The following HEATR4 variants were observed in gnomAD, a reference collection of about 807,000 sequenced individuals.
HEATR4 encodes HEAT repeat containing 4.
Under a neutral mutation model 108.8 loss-of-function variants are expected in HEATR4, and 95 were observed. The ratio of observed to expected loss-of-function variants is 0.87; its 90% CI spans 0.74 to 1.04. The LOEUF (loss-of-function observed/expected upper bound fraction) is 1.04. Among genes scored for constraint, HEATR4 ranks in the 50% least tolerant of loss-of-function variants. HEATR4 has a pLI of 0.00. For missense variants in HEATR4, 1,152 were observed against 1,253.8 expected (o/e 0.92, Z 1.23); for synonymous variants, 443 against 459.4 (o/e 0.96, Z 0.46).
intron 1 of HEATR4, among the ~76,000 whole-genome samples, chr14:73,551,216 A>G (rs1234107821): frequency 8.9e-6 from 1 of 112,752 alleles, no homozygotes; most frequent in African/African-American, 2.9e-5. Flanking sequence ...AATCCCCTTT[A>G]CCCCAACTAG....
At chr14:73,491,657 C>G in intron 17 of HEATR4, 2 of 1,549,790 alleles carry the variant, frequency 1.3e-6, no homozygotes, top group Middle Eastern at 1.8e-4. Flanking sequence ...CGCGCCCATG[C>G]CGCCAGATCA....
Position 73,492,952 on chromosome 14 carries a change from T to C in HEATR4, c.2844+114A>G. The C allele has an allele frequency of 6.2e-7, 1 of 1,611,256 alleles. No homozygotes were observed. Among genetic ancestry groups the C allele is most frequent in the Non-Finnish European group, 8.5e-7 (1 of 1,178,574 alleles). On this transcript the variant is annotated intron_variant, in intron 17 of 17. Transcript: ENST00000553558. The surrounding 1 kb of genome is among the most constrained non-coding windows in gnomAD (Gnocchi z 4.9). ...CTCTAGCCCTAAATTAGTTTCTTGTTGATTGCTGGAAACAAGGCAGTAGTG... is the reference window on the plus strand; with the variant it reads ...CTCTAGCCCTAAATTAGTTTCTTGTCGATTGCTGGAAACAAGGCAGTAGTG...
chr14:73,512,001 C>G lies in HEATR4; in HGVS notation c.1558+5G>C. ...GTTCTCAAGCAGTTCAGCTTTGGCT[C>G]TCACCTGAGTCTCTCTGGCTGGTGG... On this transcript the variant is annotated splice_donor_5th_base_variant and intron_variant, in intron 7 of 17. Transcript: ENST00000553558. 1 of 1,613,864 alleles carries G rather than the reference C, an allele frequency of 6.2e-7. No homozygotes were observed. The highest frequency in any genetic ancestry group is 8.5e-7 in the Non-Finnish European group (1 of 1,179,874).
At chr14:73,593,477 T>G in the HEATR4 span, among the ~76,000 whole-genome samples, 1 of 150,216 alleles carries the variant, frequency 6.7e-6, no homozygotes, top group African/African-American at 2.5e-5. Context: ...TAGCTAGGAC[T>G]ACAGGCATAC....
intron 4 of HEATR4, chr14:73,520,614 C>A: frequency 2.4e-6 from 1 of 414,496 alleles, no homozygotes; most frequent in Admixed American, 4.0e-5. Context: ...CCCTTCATTG[C>A]CTCTTTAGTA....
the HEATR4 span, chr14:73,619,913 T>A: frequency 7.0e-7 from 1 of 1,431,580 alleles, no homozygotes; most frequent in Non-Finnish European, 9.2e-7. Flanking sequence ...TCTTTCTTTC[T>A]TTTCTCTTTT....
the HEATR4 span, among the ~76,000 whole-genome samples, chr14:73,614,048 A>AAAAAAAAAAAAC: frequency 7.0e-6 from 1 of 143,848 alleles, no homozygotes; most frequent in African/African-American, 2.6e-5. Context: ...AAAAAAAAAA[A>AAAAAAAAAAAAC]AAATTAGGCA....
upstream of HEATR4, among the ~76,000 whole-genome samples, chr14:73,561,781 C>A (rs1889533960): frequency 6.6e-6 from 1 of 152,024 alleles, no homozygotes; most frequent in Admixed American, 6.6e-5. Context: ...TGTAGAAGTT[C>A]AAGACCAGAC....
chr14:73,620,581 T>G, the HEATR4 span, among the ~76,000 whole-genome samples: 1 of 152,082 alleles, frequency 6.6e-6, no homozygotes, highest in Non-Finnish European at 1.5e-5. Context: ...TTCTTTTTTT[T>G]TTTGAGACGG....
chr14:73,579,573 CAAA>C, the HEATR4 span, among the ~76,000 whole-genome samples: 36 of 56,218 alleles, frequency 6.4e-4, no homozygotes, highest in African/African-American at 2.5e-3. Flanking sequence ...AAAGCCGTCT[CAAA>C]AAAAAAAAAA....
At chr14:73,523,567 C>T (rs963529442) in intron 2 of HEATR4, among the ~76,000 whole-genome samples, 1 of 152,198 alleles carries the variant, frequency 6.6e-6, no homozygotes, top group Non-Finnish European at 1.5e-5. Context: ...TTCAGCATGG[C>T]ATTCAGGGTT....
chr14:73,501,191 T>C (rs542921351), intron 11 of HEATR4, among the ~76,000 whole-genome samples: 111 of 152,170 alleles, frequency 7.3e-4, no homozygotes, highest in African/African-American at 2.5e-3. Context: ...GGATCTTGGC[T>C]TACTGCAAGC....
the HEATR4 span, among the ~76,000 whole-genome samples, chr14:73,589,995 A>G: frequency 6.6e-6 from 1 of 152,170 alleles, no homozygotes; most frequent in African/African-American, 2.4e-5. Context: ...GGACCTTCGC[A>G]ATGAGTGTTA....
Position 73,485,825 on chromosome 14 carries a change from C to T in HEATR4, c.2845-6983G>A, listed in dbSNP as rs557091582. Reference sequence around the variant, plus strand: ...TGGAGGTTGCAGTGAGCCAAGATCACGCCACTGCATTTCAGGCTAGGTGAC... The same window carrying T: ...TGGAGGTTGCAGTGAGCCAAGATCATGCCACTGCATTTCAGGCTAGGTGAC... On this transcript the variant is annotated intron_variant, in intron 17 of 17. Coordinates refer to ENST00000553558, the MANE Select transcript of HEATR4 (RefSeq NM_001220484.1). Among the ~76,000 whole-genome samples the T allele has an allele frequency of 9.2e-5, 14 of 151,576 alleles. No homozygotes were observed. In the South Asian group the frequency reaches 2.1e-3, roughly 23 times the overall value.
chr14:73,590,633 C>T, the HEATR4 span, among the ~76,000 whole-genome samples: 1 of 152,174 alleles, frequency 6.6e-6, no homozygotes, highest in African/African-American at 2.4e-5. Context: ...CGCGGGGAGG[C>T]AGCTAAGGCC....
the HEATR4 span, among the ~76,000 whole-genome samples, chr14:73,621,234 CGCCA>C: frequency 1.3e-5 from 2 of 151,620 alleles, no homozygotes; most frequent in African/African-American, 4.8e-5. Flanking sequence ...TGTCTCTGAA[CGCCA>C]GTCTGAAGAC....
the HEATR4 span, among the ~76,000 whole-genome samples, chr14:73,567,111 T>C: frequency 1.3e-5 from 2 of 152,044 alleles, no homozygotes; most frequent in African/African-American, 4.8e-5. Flanking sequence ...CCATCCCCTT[T>C]TTCTTTTTAG....
intron 14 of HEATR4, 45 bp from the exon 15 acceptor site, chr14:73,496,724 T>TA: frequency 2.9e-6 from 3 of 1,031,036 alleles, no homozygotes; most frequent in Non-Finnish European, 4.6e-6. Context: ...CCCTGCCCTT[T>TA]AAAAAAGTAT....
intron 1 of HEATR4, chr14:73,539,661 G>A (rs528386102): frequency 1.7e-5 from 2 of 117,092 alleles, no homozygotes; most frequent in Non-Finnish European, 3.7e-5. Context: ...AGGAAGCTGC[G>A]GTGCTGCTGC....
Sources: allele counts gnomAD v4.1 joint callset (sites outside exome capture counted in the v4.1 genomes callset), GRCh38; gene constraint gnomAD v4.1.1; non-coding constraint Gnocchi (gnomAD v3.1); transcripts MANE v1.5; gene names NCBI Gene and HGNC (gene_info 2026-07-23, HGNC 2026-07-21).